Variants in PCCA observed in about 807,000 individuals in gnomAD.
PCCA encodes the protein propionyl-CoA carboxylase subunit alpha, also known as propionyl-CoA carboxylase alpha chain, mitochondrial.
Under a neutral mutation model 101.3 loss-of-function variants are expected in PCCA, and 74 were observed. The observed-to-expected ratio is 0.73, with a 90% confidence interval of 0.61 to 0.89. The LOEUF (loss-of-function observed/expected upper bound fraction) is 0.89, where lower values mean the gene tolerates loss of function less well. Ranked by LOEUF, PCCA falls within the 40% of genes least tolerant of loss-of-function variation. PCCA has a pLI of 0.00. For missense variants in PCCA, 891 were observed against 907.0 expected (o/e 0.98, Z 0.23); for synonymous variants, 294 against 313.6 (o/e 0.94, Z 0.66).
chr13:100,378,485 G>T (rs188925118), intron 19 of PCCA, among the ~76,000 whole-genome samples: 3 of 152,230 alleles, frequency 2.0e-5, no homozygotes, highest in Non-Finnish European at 4.4e-5. Context: ...CACTAGACTT[G>T]GGGAGTTTTC....
At chr13:100,229,962 C>T (rs1040341954) in intron 7 of PCCA, among the ~76,000 whole-genome samples, 3 of 152,172 alleles carry the variant, frequency 2.0e-5, no homozygotes, top group Admixed American at 6.5e-5. Context: ...CTTATAAAAC[C>T]GCTGCTCTGG....
intron 9 of PCCA, among the ~76,000 whole-genome samples, chr13:100,259,228 TTC>T (rs2062284577): frequency 1.3e-5 from 2 of 152,114 alleles, no homozygotes; most frequent in Admixed American, 6.6e-5. Flanking sequence ...GGGTGTCTTT[TTC>T]TTGTAACATC....
chr13:100,390,616 C>T (rs1257574088), intron 19 of PCCA, among the ~76,000 whole-genome samples: 2 of 152,110 alleles, frequency 1.3e-5, no homozygotes, highest in African/African-American at 4.8e-5. Flanking sequence ...GAGACTGTGT[C>T]AGAAAACCCA....
At chr13:100,098,557 A>G (rs2046986828) in intron 1 of PCCA, among the ~76,000 whole-genome samples, 1 of 152,138 alleles carries the variant, frequency 6.6e-6, no homozygotes, top group African/African-American at 2.4e-5. Context: ...TAGTTGAGGA[A>G]CATGGTCGAG....
rs1186911053 is a variant in PCCA at position 100,089,220 on chromosome 13, C to T, written c.100C>T (p.Leu34=). Residue 34 remains leucine (L), a synonymous_variant, in exon 1 of 24, where the codon CTG becomes TTG. Transcript: ENST00000376285. ...GATGCTGAGCGCGGCGCTGCGGACC[C>T]TGAAGGTGAGGAGCAACGGGGCCTC... ...QLMLSAALRT[L]KHVLYYSRQC... The T allele has an allele frequency of 2.6e-6, 4 of 1,517,514 alleles. No individual in the cohort carries two copies. Among genetic ancestry groups the T allele is most frequent in the African/African-American group, 1.4e-5 (1 of 70,252 alleles). The allele number at this position is 1,517,514 out of a possible 1,614,324, so 94.0% of individuals were successfully genotyped here.
At chr13:100,189,772 A>G (rs2057610074) in intron 6 of PCCA, among the ~76,000 whole-genome samples, 1 of 152,214 alleles carries the variant, frequency 6.6e-6, no homozygotes, top group Non-Finnish European at 1.5e-5. Context: ...GGCCTCCCAA[A>G]GTGCTGGGAT....
chr13:100,121,469 CT>C (rs58893932), intron 4 of PCCA, among the ~76,000 whole-genome samples: 77,387 of 131,864 alleles, frequency 0.59, 22,491 homozygotes, highest in East Asian at 0.83. Flanking sequence ...CCTTAGGATT[CT>C]TTTTTTTTTT....
Position 100,488,833 on chromosome 13 carries a change from A to G in PCCA, c.1900-26594A>G, listed in dbSNP as rs368035789. ...AAATAAAGTTAGTGGAAAGTGCTAT[A>G]GTAAACTTTTCCCAGTTTTCCCCTA... On this transcript the variant is annotated intron_variant, in intron 21 of 23. Transcript: ENST00000376285. Among the ~76,000 whole-genome samples, 2 of 151,934 alleles carry G rather than the reference A, an allele frequency of 1.3e-5. 1 individual carries two copies. Among genetic ancestry groups the G allele is most frequent in the South Asian group, 4.2e-4 (2 of 4,812 alleles).
At chr13:100,507,709 T>G (rs180822603) in intron 21 of PCCA, among the ~76,000 whole-genome samples, 105 of 152,224 alleles carry the variant, frequency 6.9e-4, no homozygotes, top group East Asian at 2.7e-3. Flanking sequence ...TGGGCTGGAG[T>G]GCAGTGGCGC....
intron 1 of PCCA, among the ~76,000 whole-genome samples, chr13:100,092,925 T>C (rs1184888478): frequency 6.6e-6 from 1 of 152,246 alleles, no homozygotes; most frequent in Non-Finnish European, 1.5e-5. Context: ...AAAATGTTTA[T>C]AGACATTTAT....
At chr13:100,424,302 G>T (rs2152892212) in intron 19 of PCCA, among the ~76,000 whole-genome samples, 1 of 152,228 alleles carries the variant, frequency 6.6e-6, no homozygotes, top group South Asian at 2.1e-4. Flanking sequence ...GGTATCTGCA[G>T]GGCGGGGCGG....
At chr13:100,524,924 G>C (rs749158245) in intron 22 of PCCA, among the ~76,000 whole-genome samples, 4 of 151,952 alleles carry the variant, frequency 2.6e-5, no homozygotes, top group Non-Finnish European at 4.4e-5. Context: ...AAGATAGATA[G>C]ATAGATAAAA....
rs1405537130 is a variant in PCCA at position 100,089,128 on chromosome 13, G to C, written c.8G>C (p.Gly3Ala). 1.3e-6 allele frequency: 2 copies of C among 1,505,372 alleles called. No homozygotes were observed. The highest frequency in any genetic ancestry group is 1.3e-5 in the South Asian group (1 of 77,622). The allele number at this position is 1,505,372 out of a possible 1,614,324, so 93.3% of individuals were successfully genotyped here. A position where few individuals can be genotyped will look rare whatever the true frequency, so the allele number is the denominator to read the frequency against. ...CGGTCTGCGGGGACAACAATGGCGGGGTTCTGGGTCGGGACAGCACCGCTG... is the reference window on the plus strand; with the variant it reads ...CGGTCTGCGGGGACAACAATGGCGGCGTTCTGGGTCGGGACAGCACCGCTG... Reference protein sequence around the residue: MAGFWVGTAPLVA... With the variant: MAAFWVGTAPLVA... Residue 3 changes from glycine (G) to alanine (A), a missense_variant, in exon 1 of 24, where the codon GGG becomes GCG. Coordinates refer to ENST00000376285, the MANE Select transcript of PCCA (RefSeq NM_000282.4).
chr13:100,165,487 A>C (rs1365568659), intron 6 of PCCA, among the ~76,000 whole-genome samples: 1 of 152,158 alleles, frequency 6.6e-6, no homozygotes, highest in Non-Finnish European at 1.5e-5. Context: ...GACTTGTGGG[A>C]GTATTAATAT....
intron 6 of PCCA, among the ~76,000 whole-genome samples, chr13:100,181,246 G>C (rs944514447): frequency 2.0e-5 from 3 of 152,186 alleles, no homozygotes; most frequent in Non-Finnish European, 4.4e-5. Context: ...GGCAAGAAGA[G>C]AGCTGGGATG....
At chr13:100,524,771 C>A (rs143343193) in intron 22 of PCCA, among the ~76,000 whole-genome samples, 1,615 of 152,176 alleles carry the variant, frequency 0.011, 29 homozygotes, top group African/African-American at 0.037. Flanking sequence ...ACTCAGGAGG[C>A]TGAGGCAGAA....
intron 18 of PCCA, among the ~76,000 whole-genome samples, chr13:100,364,271 A>G (rs1216467629): frequency 2.6e-5 from 4 of 152,174 alleles, no homozygotes; most frequent in Non-Finnish European, 5.9e-5. Flanking sequence ...CCTTATTGTC[A>G]GAGAGTTGTT....
At chr13:100,308,211 G>A (rs1291566105) in intron 15 of PCCA, among the ~76,000 whole-genome samples, 1 of 152,186 alleles carries the variant, frequency 6.6e-6, no homozygotes, top group Non-Finnish European at 1.5e-5. Context: ...TCTGTATTGA[G>A]GAATGATTTG....
intron 21 of PCCA, among the ~76,000 whole-genome samples, chr13:100,470,581 G>A (rs1271212029): frequency 6.6e-6 from 1 of 151,992 alleles, no homozygotes; most frequent in Non-Finnish European, 1.5e-5. Context: ...GATTCCTGAG[G>A]CCTTGTTTTG....
Sources: gnomAD v4.1 joint callset for allele counts (sites outside exome capture counted in the v4.1 genomes callset) on GRCh38, gnomAD v4.1.1 for gene constraint, MANE v1.5 for transcripts, NCBI Gene and HGNC (gene_info 2026-07-23, HGNC 2026-07-21) for gene names.